Variants in EZR observed in about 807,000 individuals in gnomAD.
EZR encodes cytovillin 2.
A neutral mutation model predicts 74.8 loss-of-function variants in EZR; 40 were observed. The ratio of observed to expected loss-of-function variants is 0.53; its 90% CI spans 0.42 to 0.70. EZR has a LOEUF of 0.70. Ranked by LOEUF, EZR falls within the 30% of genes least tolerant of loss-of-function variation. The pLI, the probability that EZR is intolerant of heterozygous loss-of-function variation, is 0.00. For synonymous variants in EZR, 341 were observed against 283.3 expected, an observed-to-expected ratio of 1.20 and a Z score of -2.05; for missense variants, 678 against 755.8, an observed-to-expected ratio of 0.90 and a Z score of 1.21.
chr6:158,813,320 A>ACC (rs1247353822), intron 2 of EZR, among the ~76,000 whole-genome samples: 2 of 152,062 alleles, frequency 1.3e-5, no homozygotes, highest in African/African-American at 4.8e-5. Flanking sequence ...GGCCTCATGT[A>ACC]CCCCTCTTCA....
chr6:158,788,315 T>C (rs1791638296), intron 3 of EZR: 1 of 152,250 alleles, frequency 6.6e-6, no homozygotes, highest in Non-Finnish European at 1.5e-5. Flanking sequence ...AGGACTGACC[T>C]GTTCTTCCCC....
At chr6:158,796,439 G>C (rs906864756) in intron 2 of EZR, among the ~76,000 whole-genome samples, 10 of 152,238 alleles carry the variant, frequency 6.6e-5, no homozygotes, top group African/African-American at 2.4e-4. Flanking sequence ...GGTGGCCCCA[G>C]CCTCACTCAG....
rs1791016481 is a variant in EZR, at chr6:158,769,206, G to T, written c.1344+120C>A. 5.6e-6 allele frequency: 4 copies of T among 719,538 alleles called. No individual in the cohort carries two copies. The Admixed American group carries it at 6.6e-5, about 12-fold the overall frequency. The allele number at this position is 719,538 out of a possible 1,614,324, so 44.6% of individuals were successfully genotyped here. ...TGAGACATCCCAGAAGCTTCCAGTG[G>T]GATGTGGCAGCTTGAGCCAGACCTC... On this transcript the variant is annotated intron_variant, in intron 12 of 13. Transcript: ENST00000367075.
At position 158,782,597 on chromosome 6, in the gene EZR, G is replaced by A. The variant is rs113643129; in HGVS notation, c.698+923C>T. Among the ~76,000 whole-genome samples the A allele has an allele frequency of 3.9e-5, 6 of 152,344 alleles. 1 individual carries two copies. Among genetic ancestry groups the A allele is most frequent in the African/African-American group, 1.4e-4 (6 of 41,582 alleles). On this transcript the variant is annotated intron_variant, in intron 7 of 13. Coordinates refer to ENST00000367075, the MANE Select transcript of EZR (RefSeq NM_001111077.2). ...AGGGCTTGGCAAAAAGACCCCAGGA[G>A]CATTCTTGCCCTGGCACCTTCTCTG...
rs9355679 is a variant in EZR at position 158,804,763 on chromosome 6, C to T, written c.12+13319G>A. 9.7e-3 allele frequency among the ~76,000 whole-genome samples: 1,280 copies of T among 132,170 alleles called. 5 individuals carry two copies. The highest frequency in any genetic ancestry group is 0.022 in the African/African-American group (834 of 37,776). The allele number at this position is 132,170 out of a possible 152,430, so 86.7% of individuals were successfully genotyped here. On this transcript the variant is annotated intron_variant, in intron 2 of 13. Coordinates refer to ENST00000367075, the MANE Select transcript of EZR (RefSeq NM_001111077.2). The stretch of plus-strand genomic sequence containing the variant: ...TGAAGAGTTTTTCCTTTCTTTTTTT[C>T]TTATTTTTTTTTATTATACTTTAAG...
In EZR at chr6:158,766,864, T is replaced by C. The variant is rs950959151; in HGVS notation, c.*50A>G. On this transcript the variant is annotated 3_prime_UTR_variant, in exon 14 of 14. Transcript: ENST00000367075. ...ACTAAAGACACAAGCGTGGCGGGGC[T>C]GGCAGCGCCCGCTATGAGCACCCCT... The C allele has an allele frequency of 1.9e-6, 3 of 1,557,888 alleles. No individual in the cohort carries two copies. Among genetic ancestry groups the C allele is most frequent in the African/African-American group, 1.4e-5 (1 of 73,788 alleles).
chr6:158,803,152 G>GCAGAGTATTGACA (rs1295374782), intron 2 of EZR, among the ~76,000 whole-genome samples: 2 of 151,840 alleles, frequency 1.3e-5, no homozygotes, highest in African/African-American at 4.9e-5. Context: ...CGTTAACAGG[G>GCAGAGTATTGACA]CAGAGTATTG....
At chr6:158,770,012 T>C (rs1791050940) in intron 10 of EZR, 68 bp from the exon 11 acceptor site, 3 of 1,577,734 alleles carry the variant, frequency 1.9e-6, no homozygotes, top group South Asian at 2.2e-5. Flanking sequence ...TCGCTTTCCA[T>C]TCCCACCCCC....
In EZR at chr6:158,798,147, C is replaced by G. The variant is rs118041007; in HGVS notation, c.13-8776G>C. On this transcript the variant is annotated intron_variant, in intron 2 of 13. Coordinates refer to ENST00000367075, the MANE Select transcript of EZR (RefSeq NM_001111077.2). Reference sequence around the variant, plus strand: ...TTTAAAAGGGTTATTCATGTTGTAGCATGTACCAGCACTTCATTCTTTTTT... The same window carrying G: ...TTTAAAAGGGTTATTCATGTTGTAGGATGTACCAGCACTTCATTCTTTTTT... Among the ~76,000 whole-genome samples, 220 of 152,322 alleles carry G rather than the reference C, an allele frequency of 1.4e-3. No individual in the cohort carries two copies. In the East Asian group the frequency reaches 0.032, roughly 22 times the overall value.
At chr6:158,786,189 T>C (rs746246202) in intron 4 of EZR, among the ~76,000 whole-genome samples, 10 of 152,068 alleles carry the variant, frequency 6.6e-5, no homozygotes, top group Non-Finnish European at 1.2e-4. Context: ...CTGACCAACA[T>C]GGTGAAACCC....
rs968235132 is a variant in EZR, at chr6:158,786,425, C to T, written c.192+683G>A. 2.0e-5 allele frequency among the ~76,000 whole-genome samples: 3 copies of T among 152,204 alleles called. 1 individual carries two copies. The highest frequency in any genetic ancestry group is 4.8e-5 in the African/African-American group (2 of 41,458). On this transcript the variant is annotated intron_variant, in intron 4 of 13. Coordinates refer to ENST00000367075, the MANE Select transcript of EZR (RefSeq NM_001111077.2). ...AGTACTATCACACTCTTGTGCTCAG[C>T]TGGAAATCAAAGCTACTGCCTCACT...
At chr6:158,779,691 G>A (rs1218978494) in intron 7 of EZR, among the ~76,000 whole-genome samples, 2 of 152,126 alleles carry the variant, frequency 1.3e-5, no homozygotes, top group African/African-American at 4.8e-5. Flanking sequence ...AGCCTCCCAA[G>A]TAGCTAGGAC....
intron 4 of EZR, 140 bp from the exon 5 acceptor site, chr6:158,785,723 G>C: frequency 1.8e-6 from 2 of 1,116,168 alleles, no homozygotes; most frequent in Non-Finnish European, 2.5e-6. Context: ...CATCTTTTTA[G>C]CACTCCAGAC....
chr6:158,793,869 T>C (rs2128572350), intron 2 of EZR, among the ~76,000 whole-genome samples: 1 of 152,346 alleles, frequency 6.6e-6, no homozygotes, highest in Non-Finnish European at 1.5e-5. Context: ...GATAAAATAA[T>C]GTGCTACAAT....
intron 1 of EZR, among the ~76,000 whole-genome samples, chr6:158,818,773 G>A (rs1777624598): frequency 6.7e-6 from 1 of 150,100 alleles, no homozygotes; most frequent in Non-Finnish European, 1.5e-5. Context: ...CTAGGAGGAA[G>A]GAGTCCCGGG....
intron 2 of EZR, among the ~76,000 whole-genome samples, chr6:158,796,234 A>AC (rs1413376280): frequency 1.3e-5 from 2 of 152,248 alleles, no homozygotes; most frequent in Non-Finnish European, 2.9e-5. Flanking sequence ...GAAGGAAAGT[A>AC]CCCCTCCAGG....
chr6:158,785,681 G>A, intron 4 of EZR, 98 bp from the exon 5 acceptor site: 2 of 1,445,838 alleles, frequency 1.4e-6, no homozygotes, highest in African/African-American at 2.8e-5. Flanking sequence ...GGGCCCTCAA[G>A]CCAGTTTTCA....
At chr6:158,800,528 C>T (rs915050195) in intron 2 of EZR, among the ~76,000 whole-genome samples, 8 of 152,180 alleles carry the variant, frequency 5.3e-5, no homozygotes, top group Non-Finnish European at 7.3e-5. Flanking sequence ...AGGCTGGGCA[C>T]GGTGGCTCAT....
At chr6:158,789,240 A>G (rs1033039439) in intron 3 of EZR, 48 bp downstream of exon 3, 1 of 1,444,728 alleles carries the variant, frequency 6.9e-7, no homozygotes, top group African/African-American at 1.4e-5. Flanking sequence ...ATGTTGCAAA[A>G]CAGTTTTTTT....
Sources: allele counts gnomAD v4.1 joint callset (sites outside exome capture counted in the v4.1 genomes callset), GRCh38; gene constraint gnomAD v4.1.1; transcripts MANE v1.5; gene names NCBI Gene and HGNC (gene_info 2026-07-23, HGNC 2026-07-21).